NXPH2: variants seen among roughly 807,000 people sequenced by gnomAD.
NXPH2 encodes the protein neurexophilin 2.
In NXPH2, 5 loss-of-function variants were observed where a neutral mutation model predicts 19.8. The ratio of observed to expected loss-of-function variants is 0.25; its 90% CI spans 0.13 to 0.53. The LOEUF (loss-of-function observed/expected upper bound fraction) is 0.53. NXPH2 is among the 20% of genes least tolerant of loss of function. The probability of loss-of-function intolerance (pLI) is 0.96; values close to 1 mark genes in which losing one functional copy is unlikely to be tolerated. For synonymous variants in NXPH2, 154 were observed against 127.4 expected (o/e 1.21, Z -1.41); for missense variants, 289 against 322.8 (o/e 0.90, Z 0.80).
intron 1 of NXPH2, among the ~76,000 whole-genome samples, chr2:138,697,600 T>C (rs1396355889): frequency 6.6e-6 from 1 of 151,952 alleles, no homozygotes; most frequent in Non-Finnish European, 1.5e-5. Context: ...GCAGGAAATA[T>C]ACAATTCATT....
At chr2:138,744,886 C>T (rs1445104601) in intron 1 of NXPH2, among the ~76,000 whole-genome samples, 2 of 152,170 alleles carry the variant, frequency 1.3e-5, no homozygotes, top group Non-Finnish European at 2.9e-5. Context: ...TCCATGCCCA[C>T]ATGCTGTGGA....
chr2:138,681,943 T>C (rs1210650548), intron 1 of NXPH2, among the ~76,000 whole-genome samples: 1 of 152,172 alleles, frequency 6.6e-6, no homozygotes, highest in African/African-American at 2.4e-5. Flanking sequence ...AACCCCAAAG[T>C]GACCGCTATT....
At chr2:138,678,790 C>A (rs894723228) in intron 1 of NXPH2, among the ~76,000 whole-genome samples, 26 of 152,282 alleles carry the variant, frequency 1.7e-4, no homozygotes, top group Non-Finnish European at 2.2e-4. Context: ...ACATTAGAAT[C>A]AAATATCCCT....
intron 1 of NXPH2, among the ~76,000 whole-genome samples, chr2:138,712,474 G>T (rs1681119600): frequency 6.6e-6 from 1 of 152,114 alleles, no homozygotes; most frequent in African/African-American, 2.4e-5. Context: ...GTTTTACTCA[G>T]AATGGCCAAC....
chr2:138,725,910 A>T (rs764902524), intron 1 of NXPH2, among the ~76,000 whole-genome samples: 1 of 152,158 alleles, frequency 6.6e-6, no homozygotes, highest in South Asian at 2.1e-4. Context: ...TTCTTGTTTC[A>T]GGATGTAAGA....
intron 1 of NXPH2, among the ~76,000 whole-genome samples, chr2:138,773,541 T>C (rs1047642368): frequency 2.0e-5 from 3 of 152,194 alleles, no homozygotes; most frequent in Admixed American, 6.5e-5. Context: ...AATTTGGGAA[T>C]AGAAATCACA....
chr2:138,755,276 G>GT (rs1402014498), intron 1 of NXPH2, among the ~76,000 whole-genome samples: 2 of 152,012 alleles, frequency 1.3e-5, no homozygotes, highest in South Asian at 4.2e-4. Flanking sequence ...TTCTCCTGTG[G>GT]TTTTTTTCTA....
At chr2:138,738,424 C>T (rs1057258063) in intron 1 of NXPH2, among the ~76,000 whole-genome samples, 1 of 152,120 alleles carries the variant, frequency 6.6e-6, no homozygotes, top group Admixed American at 6.5e-5. Flanking sequence ...AAATTTTCAT[C>T]TCCCCTTATT....
intron 1 of NXPH2, among the ~76,000 whole-genome samples, chr2:138,735,273 T>C (rs115576444): frequency 0.01 from 1,588 of 152,262 alleles, 30 homozygotes; most frequent in African/African-American, 0.035. Context: ...GTTTTCATGA[T>C]GCTGATAAAG....
intron 1 of NXPH2, among the ~76,000 whole-genome samples, chr2:138,676,520 A>T (rs529435353): frequency 1.3e-5 from 2 of 152,228 alleles, no homozygotes; most frequent in Non-Finnish European, 2.9e-5. Flanking sequence ...GCCTGATATG[A>T]TGTTTCCATC....
intron 1 of NXPH2, among the ~76,000 whole-genome samples, chr2:138,718,428 A>G (rs936336619): frequency 6.6e-6 from 1 of 152,172 alleles, no homozygotes; most frequent in African/African-American, 2.4e-5. Context: ...TCTCTGGGAT[A>G]ATGACTATGA....
chr2:138,700,459 T>C (rs992421327), intron 1 of NXPH2, among the ~76,000 whole-genome samples: 2 of 152,192 alleles, frequency 1.3e-5, no homozygotes, highest in Admixed American at 6.5e-5. Context: ...TATTTAATGA[T>C]ACCATTAATT....
chr2:138,768,756 CTG>C (rs1359531783), intron 1 of NXPH2, among the ~76,000 whole-genome samples: 1 of 152,208 alleles, frequency 6.6e-6, no homozygotes, highest in East Asian at 1.9e-4. Flanking sequence ...GGAAAGGAAA[CTG>C]TCATTTGTTA....
intron 1 of NXPH2, among the ~76,000 whole-genome samples, chr2:138,698,573 G>A (rs1680865112): frequency 6.6e-6 from 1 of 152,164 alleles, no homozygotes; most frequent in Admixed American, 6.5e-5. Flanking sequence ...GTGGCATCAG[G>A]GCCAGGCGTG....
chr2:138,750,829 C>T (rs1681818533), intron 1 of NXPH2, among the ~76,000 whole-genome samples: 2 of 152,172 alleles, frequency 1.3e-5, no homozygotes, highest in South Asian at 4.1e-4. Context: ...TCTGTGTCCC[C>T]ACCAAATCTC....
chr2:138,685,386 A>G (rs558991262), intron 1 of NXPH2, among the ~76,000 whole-genome samples: 1 of 152,288 alleles, frequency 6.6e-6, no homozygotes, highest in African/African-American at 2.4e-5. Flanking sequence ...TCATGTGTAA[A>G]TATCTTACTT....
Position 138,671,307 on chromosome 2 carries a change from T to C in NXPH2, c.410A>G (p.His137Arg). 1 of 1,613,884 alleles carries C rather than the reference T, an allele frequency of 6.2e-7. No individual in the cohort carries two copies. Among genetic ancestry groups the C allele is most frequent in the Non-Finnish European group, 8.5e-7 (1 of 1,179,804 alleles). Residue 137 changes from histidine (H) to arginine (R), a missense_variant, in exon 2 of 2, where the codon CAT becomes CGT. Physicochemically the swap from His to Arg is conservative, Grantham distance 29. Coordinates refer to ENST00000272641, the MANE Select transcript of NXPH2 (RefSeq NM_007226.3). The stretch of plus-strand genomic sequence containing the variant: ...ATACACACTGAAGGTTCCATTTCCA[T>C]GGTCAACAATTTTCCCTGTGATGAG... ...NLLITGKIVD[H>R]GNGTFSVYFR...
chr2:138,778,481 A>G (rs897534950), intron 1 of NXPH2, among the ~76,000 whole-genome samples: 15 of 152,192 alleles, frequency 9.9e-5, no homozygotes, highest in African/African-American at 3.6e-4. Flanking sequence ...AACATTTCCA[A>G]TATAGTAGCT....
intron 1 of NXPH2, among the ~76,000 whole-genome samples, chr2:138,695,425 C>T (rs573681901): frequency 2.0e-5 from 3 of 152,180 alleles, no homozygotes; most frequent in Admixed American, 6.6e-5. Context: ...CTACACTAAA[C>T]GAAGACACCA....
Sources: gnomAD v4.1 joint callset for allele counts (sites outside exome capture counted in the v4.1 genomes callset) on GRCh38, gnomAD v4.1.1 for gene constraint, MANE v1.5 for transcripts, NCBI Gene and HGNC (gene_info 2026-07-23, HGNC 2026-07-21) for gene names.